The following KDM2B variants were observed in gnomAD, a reference collection of about 807,000 sequenced individuals.
KDM2B encodes the protein lysine demethylase 2B, also known as lysine-specific demethylase 2B.
In KDM2B, 26 loss-of-function variants were observed where a neutral mutation model predicts 150.0. The ratio of observed to expected loss-of-function variants is 0.17; its 90% CI spans 0.13 to 0.24. The LOEUF is 0.24. Ranked by LOEUF, KDM2B falls within the 10% of genes least tolerant of loss-of-function variation. The pLI, the probability that KDM2B is intolerant of heterozygous loss-of-function variation, is 1.00. For missense variants in KDM2B, 1,265 were observed against 1,816.9 expected, an observed-to-expected ratio of 0.70 and a Z score of 5.52; for synonymous variants, 734 against 729.5, an observed-to-expected ratio of 1.01 and a Z score of -0.10.
At position 121,445,287 on chromosome 12, in the gene KDM2B, A is replaced by C; in HGVS notation, c.2091T>G (p.Pro697=). 1 of 1,614,008 alleles carries C rather than the reference A, an allele frequency of 6.2e-7. No homozygotes were observed. Among genetic ancestry groups the C allele is most frequent in the Non-Finnish European group, 8.5e-7 (1 of 1,179,940 alleles). The change falls in exon 14 of 23, where the codon CCT becomes CCG. Residue 697 remains proline (P), a synonymous_variant. Transcript: ENST00000377071. The part of the protein sequence containing the change: ...ECSICNEIIH[P]GCLKIKESEG... ...CTGGGCCACTCACCTTAAGGCATCC[A>C]GGGTGGATGATTTCATTGCAGATGG...
rs144791222 is a variant in KDM2B at position 121,571,274 on chromosome 12, T to C, written c.397+3273A>G. Among the ~76,000 whole-genome samples, 31 of 152,286 alleles carry C rather than the reference T, an allele frequency of 2.0e-4. No individual in the cohort carries two copies. The East Asian group carries it at 3.7e-3, about 18-fold the overall frequency. On this transcript the variant is annotated intron_variant, in intron 4 of 22. Coordinates refer to ENST00000377071, the MANE Select transcript of KDM2B (RefSeq NM_032590.5). ...ATGGTTATACAGCATTGTGAATATA[T>C]TAAAACCAATGACTTGTGCCTTTTC...
chr12:121,507,493 T>C (rs1447418575), intron 11 of KDM2B, among the ~76,000 whole-genome samples: 6 of 152,224 alleles, frequency 3.9e-5, no homozygotes, highest in African/African-American at 1.4e-4. Flanking sequence ...GTGATTCCCC[T>C]GTGGGGAAGG....
intron 4 of KDM2B, among the ~76,000 whole-genome samples, chr12:121,573,334 G>A (rs1891256800): frequency 1.3e-5 from 2 of 150,872 alleles, no homozygotes; most frequent in African/African-American, 4.9e-5. Context: ...CTAGGCTGGA[G>A]TGCAGTGGCA....
intron 12 of KDM2B, among the ~76,000 whole-genome samples, chr12:121,480,964 G>T (rs1458831967): frequency 1.4e-5 from 2 of 138,904 alleles, no homozygotes; most frequent in Non-Finnish European, 3.0e-5. Flanking sequence ...GTCTCGCTCT[G>T]TCGCCCAGAC....
chr12:121,452,983 A>G lies in KDM2B; in HGVS notation c.1959+137T>C, dbSNP rs543628620. On this transcript the variant is annotated intron_variant, in intron 13 of 22. Transcript: ENST00000377071. This position sits in a 1 kb window ranked among gnomAD's most constrained non-coding sequence, Gnocchi z 4.4. The stretch of plus-strand genomic sequence containing the variant: ...AAGCGGCCAGCGCCTTCCCGTCCAC[A>G]GGAAGAGCTCTCGGGGAGTCCACAG... The G allele has an allele frequency of 1.5e-4, 120 of 785,620 alleles. No homozygotes were observed. Among genetic ancestry groups the G allele is most frequent in the African/African-American group, 8.4e-4 (47 of 55,788 alleles). The allele number at this position is 785,620 out of a possible 1,614,324, so 48.7% of individuals were successfully genotyped here.
rs1555305817 is a variant in KDM2B at position 121,520,978 on chromosome 12, T to A, written c.1047+7A>T. The A allele has an allele frequency of 1.9e-6, 3 of 1,611,442 alleles. No homozygotes were observed. Among genetic ancestry groups the A allele is most frequent in the South Asian group, 2.2e-5 (2 of 91,028 alleles). ...GCGCACGCGAGGACAGAAGGGAACC[T>A]CCTTACCCGCGTCCTGTCCTCGATC... is the stretch of plus-strand genomic sequence containing the variant. On this transcript the variant is annotated splice_region_variant and intron_variant, in intron 9 of 22. Coordinates refer to ENST00000377071, the MANE Select transcript of KDM2B (RefSeq NM_032590.5). The surrounding 1 kb of genome is among the most constrained non-coding windows in gnomAD (Gnocchi z 4.5).
At chr12:121,548,486 C>T (rs1306507253) in intron 6 of KDM2B, among the ~76,000 whole-genome samples, 1 of 152,164 alleles carries the variant, frequency 6.6e-6, no homozygotes, top group African/African-American at 2.4e-5. Context: ...ACCAAAGCAT[C>T]CAATGTGGGC....
chr12:121,574,449 T>C, intron 4 of KDM2B, 98 bp downstream of exon 4: 1 of 1,152,698 alleles, frequency 8.7e-7, no homozygotes, highest in Non-Finnish European at 1.3e-6. Context: ...GACTTTGTTT[T>C]GAGAGGCAGT....
Position 121,430,499 on chromosome 12 carries a change from T to G in KDM2B, c.3830-30A>C. 6.3e-7 allele frequency: 1 copy of G among 1,580,152 alleles called. No homozygotes were observed. The highest frequency in any genetic ancestry group is 8.7e-7 in the Non-Finnish European group (1 of 1,149,350). On this transcript the variant is annotated intron_variant, in intron 22 of 22. Transcript: ENST00000377071. The surrounding 1 kb of genome is among the most constrained non-coding windows in gnomAD (Gnocchi z 4.4). ...AGAGAAGAAATAGTAATGTGAGGTGTGAAGGCCAGGAGCCAGAAGCCCCCC... is the reference window on the plus strand; with the variant it reads ...AGAGAAGAAATAGTAATGTGAGGTGGGAAGGCCAGGAGCCAGAAGCCCCCC...
chr12:121,446,128 G>A (rs189130173), intron 13 of KDM2B, among the ~76,000 whole-genome samples: 24 of 152,320 alleles, frequency 1.6e-4, no homozygotes, highest in Admixed American at 5.9e-4. Context: ...GGGCGCGGTG[G>A]CTCACGCCTG....
At chr12:121,420,680 C>T in the KDM2B span, 2 of 1,613,962 alleles carry the variant, frequency 1.2e-6, no homozygotes. Flanking sequence ...GAAATTCTGG[C>T]TCGGAATTTT....
intron 1 of KDM2B, chr12:121,579,783 T>G (rs1336491385): frequency 1.3e-5 from 17 of 1,314,496 alleles, no homozygotes; most frequent in Non-Finnish European, 1.7e-5. Flanking sequence ...TCCACGCCTT[T>G]CCCCGATACC....
chr12:121,479,850 G>C (rs1453164492), intron 12 of KDM2B, among the ~76,000 whole-genome samples: 2 of 152,036 alleles, frequency 1.3e-5, no homozygotes, highest in Admixed American at 6.6e-5. Context: ...TTGAACTCCT[G>C]ACCTCAAGTG....
chr12:121,453,009 C>CCCCGGCTTCT lies in KDM2B; in HGVS notation c.1959+101_1959+110dup, dbSNP rs1877566400. The stretch of plus-strand genomic sequence containing the variant: ...GGAAGAGCTCTCGGGGAGTCCACAG[C>CCCCGGCTTCT]CCCGGCTTCTCTGTGTGCGGAGGGG... On this transcript the variant is annotated intron_variant, in intron 13 of 22. Coordinates refer to ENST00000377071, the MANE Select transcript of KDM2B (RefSeq NM_032590.5). The surrounding 1 kb of genome is among the most constrained non-coding windows in gnomAD (Gnocchi z 6.4). The CCCCGGCTTCT allele has an allele frequency of 3.0e-6, 3 of 1,015,482 alleles. No individual in the cohort carries two copies. 62.9% of individuals were successfully genotyped at this position (1,015,482 alleles called of 1,614,324 possible).
At chr12:121,420,299 G>C in the KDM2B span, 1 of 1,576,958 alleles carries the variant, frequency 6.3e-7, no homozygotes, top group Admixed American at 1.8e-5. Flanking sequence ...CGATGATGAG[G>C]ATGATGATGA....
chr12:121,566,772 G>A (rs545390186), intron 4 of KDM2B, among the ~76,000 whole-genome samples: 67 of 152,206 alleles, frequency 4.4e-4, no homozygotes, highest in Middle Eastern at 3.4e-3. Context: ...CTCCAACCTG[G>A]GCTACAGAGC....
At chr12:121,412,230 CTTTTTTTTTTTT>C in the KDM2B span, among the ~76,000 whole-genome samples, 6 of 49,610 alleles carry the variant, frequency 1.2e-4, no homozygotes, top group Admixed American at 5.4e-4. Context: ...CCCAACTAAT[CTTTTTTTTTTTT>C]TTTTTTTTTT....
chr12:121,416,237 C>G, the KDM2B span: 1 of 1,614,098 alleles, frequency 6.2e-7, no homozygotes, highest in Non-Finnish European at 8.5e-7. Context: ...CAGGGGCCAG[C>G]AGTCAGCATT....
chr12:121,495,367 GC>G (rs1883815900), intron 11 of KDM2B, among the ~76,000 whole-genome samples: 1 of 152,118 alleles, frequency 6.6e-6, no homozygotes, highest in Non-Finnish European at 1.5e-5. Flanking sequence ...TGCCATGTTG[GC>G]CAGGCTAGTC....
Sources: gnomAD v4.1 joint callset for allele counts (sites outside exome capture counted in the v4.1 genomes callset) on GRCh38, gnomAD v4.1.1 for gene constraint, Gnocchi (gnomAD v3.1) non-coding constraint, MANE v1.5 for transcripts, NCBI Gene and HGNC (gene_info 2026-07-23, HGNC 2026-07-21) for gene names.